CCDC102A: variants seen among roughly 807,000 people sequenced by gnomAD.
CCDC102A encodes the protein coiled-coil domain-containing protein 102A.
Under a neutral mutation model 55.5 loss-of-function variants are expected in CCDC102A, and 40 were observed. That is an observed-to-expected ratio of 0.72 (90% confidence interval 0.56 to 0.94). The LOEUF (loss-of-function observed/expected upper bound fraction) is 0.94. Among genes scored for constraint, CCDC102A ranks in the 40% least tolerant of loss-of-function variants. CCDC102A has a pLI of 0.00. For missense variants in CCDC102A, 779 were observed against 768.6 expected (o/e 1.01, Z -0.16); for synonymous variants, 323 against 339.0 (o/e 0.95, Z 0.52).
At chr16:57,536,170 G>T (rs1356109539) in intron 1 of CCDC102A, among the ~76,000 whole-genome samples, 1 of 152,114 alleles carries the variant, frequency 6.6e-6, no homozygotes, top group Non-Finnish European at 1.5e-5. Flanking sequence ...GACCACGTTG[G>T]GTCCCCCGGG....
In CCDC102A at chr16:57,528,914, C is replaced by A. The variant is rs1195214035; in HGVS notation, c.264G>T (p.Ala88=). Residue 88 remains alanine (A), a synonymous_variant, in exon 2 of 9, where the codon GCG becomes GCT. Coordinates refer to ENST00000258214, the MANE Select transcript of CCDC102A (RefSeq NM_033212.4). ...ACCGGCGCATGGTCTTCTCCATCTG[C>A]GCCGCCCGCGCCCGCGCCTCCTCCA... ...RELEEARARA[A]QMEKTMRRWS... is the part of the protein sequence containing the mutation. 1 of 1,404,090 alleles carries A rather than the reference C, an allele frequency of 7.1e-7. No homozygotes were observed. The highest frequency in any genetic ancestry group is 1.5e-5 in the African/African-American group (1 of 64,576). The allele number at this position is 1,404,090 out of a possible 1,614,324, so 87.0% of individuals were successfully genotyped here.
rs772300131 is a variant in CCDC102A at position 57,518,209 on chromosome 16, C to CA, written c.1106dup (p.Leu371ProfsTer2). On this transcript the variant is annotated frameshift_variant, in exon 6 of 9. Coordinates refer to ENST00000258214, the MANE Select transcript of CCDC102A (RefSeq NM_033212.4). LOFTEE classifies it high-confidence loss of function. ...GCTTCTTGTTCTCCCGCTCAAGGCC[C>CA]AGTTTCTCTGTCTCCAGCCGCTCCC... is the stretch of plus-strand genomic sequence containing the variant. 1 of 1,612,674 alleles carries CA rather than the reference C, an allele frequency of 6.2e-7. No individual in the cohort carries two copies. Among genetic ancestry groups the CA allele is most frequent in the Non-Finnish European group, 8.5e-7 (1 of 1,179,910 alleles).
At chr16:57,520,783 T>G (rs1410119219) in intron 4 of CCDC102A, among the ~76,000 whole-genome samples, 1 of 151,364 alleles carries the variant, frequency 6.6e-6, no homozygotes, top group Non-Finnish European at 1.5e-5. Flanking sequence ...CTACTAAAAA[T>G]ACAAAAATTA....
At chr16:57,522,316 C>T (rs2032065691) in intron 3 of CCDC102A, among the ~76,000 whole-genome samples, 1 of 152,108 alleles carries the variant, frequency 6.6e-6, no homozygotes, top group Admixed American at 6.5e-5. Flanking sequence ...GAACTGCACT[C>T]CCTACCCAAG....
chr16:57,536,209 G>T (rs1410818465), intron 1 of CCDC102A, among the ~76,000 whole-genome samples: 1 of 143,688 alleles, frequency 7.0e-6, no homozygotes, highest in East Asian at 2.3e-4. Context: ...CCCGCCCGCC[G>T]CCCCCTCCCG....
rs2031951938 is a variant in CCDC102A, at chr16:57,516,220, C to T, written c.1419+73G>A. 1 of 1,480,252 alleles carries T rather than the reference C, an allele frequency of 6.8e-7. No individual in the cohort carries two copies. The highest frequency in any genetic ancestry group is 9.2e-7 in the Non-Finnish European group (1 of 1,086,426). 91.7% of individuals were successfully genotyped at this position (1,480,252 alleles called of 1,614,324 possible). A position where few individuals can be genotyped will look rare whatever the true frequency, so the allele number is the denominator to read the frequency against. On this transcript the variant is annotated intron_variant, in intron 7 of 8. Coordinates refer to ENST00000258214, the MANE Select transcript of CCDC102A (RefSeq NM_033212.4). This position sits in a 1 kb window ranked among gnomAD's most constrained non-coding sequence, Gnocchi z 4.4. ...CACCAGGGGCTGAGAATGGAGAAGC[C>T]AGGATGGCCCTGCGGCCCCCACTCC...
intron 8 of CCDC102A, among the ~76,000 whole-genome samples, chr16:57,513,320 A>C (rs1198955317): frequency 6.6e-6 from 1 of 152,232 alleles, no homozygotes; most frequent in Non-Finnish European, 1.5e-5. Flanking sequence ...TCTTCCTCAC[A>C]TTAAAATTCC....
At chr16:57,514,996 C>G (rs901634771) in intron 8 of CCDC102A, among the ~76,000 whole-genome samples, 1 of 152,148 alleles carries the variant, frequency 6.6e-6, no homozygotes, top group Admixed American at 6.5e-5. Context: ...TCACCTGGGC[C>G]CAGTAACGCT....
At chr16:57,523,571 C>T (rs1384329966) in intron 3 of CCDC102A, among the ~76,000 whole-genome samples, 2 of 152,018 alleles carry the variant, frequency 1.3e-5, no homozygotes, top group South Asian at 4.2e-4. Flanking sequence ...GCCTCGACCT[C>T]CTGGGCTCAA....
chr16:57,515,254 C>A, intron 8 of CCDC102A, 87 bp downstream of exon 8: 1 of 837,264 alleles, frequency 1.2e-6, no homozygotes, highest in South Asian at 1.4e-5. Context: ...GTCTCCCCCT[C>A]CAGCCTTGGT....
chr16:57,526,090 G>GGCATGCTCTTCA lies in CCDC102A; in HGVS notation c.611_622dup (p.Leu204_Met207dup). ...CTCCCAGCAGTCCTCAGACTCCTCTGGCATGCTCTTCAGCAGGCTCTCCAC... is the reference window on the plus strand; with the variant it reads ...CTCCCAGCAGTCCTCAGACTCCTCTGGCATGCTCTTCAGCATGCTCTTCAGCAGGCTCTCCAC... On this transcript the variant is annotated inframe_insertion, in exon 3 of 9. Transcript: ENST00000258214. 2 of 1,573,072 alleles carry GGCATGCTCTTCA rather than the reference G, an allele frequency of 1.3e-6. No homozygotes were observed. Among genetic ancestry groups the GGCATGCTCTTCA allele is most frequent in the South Asian group, 2.3e-5 (2 of 87,326 alleles).
intron 3 of CCDC102A, among the ~76,000 whole-genome samples, chr16:57,525,177 C>A (rs1016456332): frequency 2.2e-4 from 34 of 152,164 alleles, no homozygotes; most frequent in African/African-American, 7.2e-4. Context: ...CTCACTGCAA[C>A]CTCCACCTCC....
In CCDC102A at chr16:57,521,103, C is replaced by T. The variant is rs765718587; in HGVS notation, c.886G>A (p.Glu296Lys). 6.2e-7 allele frequency: 1 copy of T among 1,613,720 alleles called. No individual in the cohort carries two copies. Among genetic ancestry groups the T allele is most frequent in the Non-Finnish European group, 8.5e-7 (1 of 1,179,988 alleles). Reference sequence around the variant, plus strand: ...ATCTCCTGCTTGGTCTTGCTCAGCTCCTCATACTTGATCTTCCACTGGCTG... The same window carrying T: ...ATCTCCTGCTTGGTCTTGCTCAGCTTCTCATACTTGATCTTCCACTGGCTG... ...ELSQWKIKYEELSKTKQEMLK... is the reference protein window; with the variant it reads ...ELSQWKIKYEKLSKTKQEMLK... Residue 296 changes from glutamate to lysine, a missense_variant, in exon 4 of 9, where the codon GAG (glutamate) becomes AAG (lysine). By Grantham distance (56) the Glu-to-Lys change is moderately conservative. Coordinates refer to ENST00000258214, the MANE Select transcript of CCDC102A (RefSeq NM_033212.4).
rs1401413937 is a variant in CCDC102A, at chr16:57,525,073, CGTTTT to C, written c.812+823_812+827del. Among the ~76,000 whole-genome samples, 379 of 142,782 alleles carry C rather than the reference CGTTTT, an allele frequency of 2.7e-3. 2 individuals carry two copies. Among genetic ancestry groups the C allele is most frequent in the African/African-American group, 9.6e-3 (357 of 37,192 alleles). 93.7% of individuals were successfully genotyped at this position (142,782 alleles called of 152,430 possible). A position where few individuals can be genotyped will look rare whatever the true frequency, so the allele number is the denominator to read the frequency against. On this transcript the variant is annotated intron_variant, in intron 3 of 8. Transcript: ENST00000258214. The stretch of plus-strand genomic sequence containing the variant: ...TTCCTTGGCCCTTGTCCACGCTCAT[CGTTTT>C]ATTTATTTATTTATTTATTTATTTA...
Position 57,516,299 on chromosome 16 carries a change from C to A in CCDC102A, c.1413G>T (p.Glu471Asp), listed in dbSNP as rs774483207. 6.2e-7 allele frequency: 1 copy of A among 1,604,824 alleles called. No individual in the cohort carries two copies. Among genetic ancestry groups the A allele is most frequent in the East Asian group, 2.2e-5 (1 of 44,890 alleles). ...GCCCCTCTGTGGTCCTCACCTCGTCCTCAGCCTGGGCCAGCTCCTTCTTGA... is the reference window on the plus strand; with the variant it reads ...GCCCCTCTGTGGTCCTCACCTCGTCATCAGCCTGGGCCAGCTCCTTCTTGA... Reference protein sequence around the residue: ...EELKKELAQAEDELDEAHNQA... With the variant: ...EELKKELAQADDELDEAHNQA... Residue 471 changes from glutamate (E) to aspartate (D), a missense_variant, in exon 7 of 9, where the codon GAG becomes GAT. Physicochemically the swap from Glu to Asp is conservative, Grantham distance 45 (BLOSUM62 2). Transcript: ENST00000258214. The surrounding 1 kb of genome is among the most constrained non-coding windows in gnomAD (Gnocchi z 4.4).
chr16:57,525,075 TTTTATTTATTTA>T (rs3030605), intron 3 of CCDC102A, among the ~76,000 whole-genome samples: 58,777 of 149,414 alleles, frequency 0.39, 12,521 homozygotes, highest in African/African-American at 0.58. Flanking sequence ...ACGCTCATCG[TTTTATTTATTTA>T]TTTATTTATT....
intron 6 of CCDC102A, among the ~76,000 whole-genome samples, chr16:57,517,656 T>TAGAAAA (rs1202123707): frequency 6.6e-6 from 1 of 152,200 alleles, no homozygotes; most frequent in Non-Finnish European, 1.5e-5. Flanking sequence ...GAACTCAGTT[T>TAGAAAA]AAAATGTCAC....
At chr16:57,532,545 T>C (rs2032285884) in intron 1 of CCDC102A, among the ~76,000 whole-genome samples, 1 of 152,064 alleles carries the variant, frequency 6.6e-6, no homozygotes, top group Admixed American at 6.5e-5. Flanking sequence ...GACACACATA[T>C]GCTCAGATGG....
At chr16:57,521,916 A>T (rs1180620370) in intron 3 of CCDC102A, among the ~76,000 whole-genome samples, 1 of 152,202 alleles carries the variant, frequency 6.6e-6, no homozygotes, top group African/African-American at 2.4e-5. Flanking sequence ...GGGTTCCCAG[A>T]GGGGACAACG....
Sources: allele counts gnomAD v4.1 joint callset (sites outside exome capture counted in the v4.1 genomes callset), GRCh38; gene constraint gnomAD v4.1.1; non-coding constraint Gnocchi (gnomAD v3.1); transcripts MANE v1.5; gene names NCBI Gene and HGNC (gene_info 2026-07-23, HGNC 2026-07-21).